The following SLC22A3 variants were observed in gnomAD, a reference collection of about 807,000 sequenced individuals.
The protein encoded by SLC22A3 is EMT organic cation transporter 3.
A neutral mutation model predicts 59.1 loss-of-function variants in SLC22A3; 51 were observed. The ratio of observed to expected loss-of-function variants is 0.86; its 90% CI spans 0.69 to 1.09. The LOEUF (loss-of-function observed/expected upper bound fraction) is 1.09. SLC22A3 is among the 50% of genes least tolerant of loss of function. The probability of loss-of-function intolerance (pLI) is 0.00; values close to 1 mark genes in which losing one functional copy is unlikely to be tolerated. For synonymous variants in SLC22A3, 325 were observed against 292.0 expected (o/e 1.11, Z -1.15); for missense variants, 711 against 726.3 (o/e 0.98, Z 0.24).
At chr6:160,413,230 T>C (rs900907112) in intron 5 of SLC22A3, among the ~76,000 whole-genome samples, 13 of 152,176 alleles carry the variant, frequency 8.5e-5, no homozygotes, top group African/African-American at 3.1e-4. Context: ...AGTTTAGCAC[T>C]GCTCCCACAG....
At chr6:160,360,770 C>T (rs775130230) in intron 1 of SLC22A3, among the ~76,000 whole-genome samples, 4 of 152,064 alleles carry the variant, frequency 2.6e-5, no homozygotes, top group Admixed American at 6.6e-5. Context: ...AACTCCCCCC[C>T]GCCCCAACCA....
intron 1 of SLC22A3, among the ~76,000 whole-genome samples, chr6:160,356,395 G>A (rs1784842194): frequency 6.6e-6 from 1 of 152,234 alleles, no homozygotes; most frequent in African/African-American, 2.4e-5. Context: ...AAAGGGACAG[G>A]AAGGAATAGA....
intron 7 of SLC22A3, among the ~76,000 whole-genome samples, chr6:160,439,903 G>A (rs1264442775): frequency 1.3e-5 from 2 of 152,156 alleles, no homozygotes; most frequent in Non-Finnish European, 2.9e-5. Context: ...CCAGCCACTG[G>A]TTAATTAGCA....
At chr6:160,372,061 A>G (rs1785418882) in intron 1 of SLC22A3, among the ~76,000 whole-genome samples, 1 of 152,144 alleles carries the variant, frequency 6.6e-6, no homozygotes, top group African/African-American at 2.4e-5. Flanking sequence ...TTTGTTTACA[A>G]GTGGGATGAC....
At chr6:160,371,807 T>C (rs1408054608) in intron 1 of SLC22A3, among the ~76,000 whole-genome samples, 1 of 152,196 alleles carries the variant, frequency 6.6e-6, no homozygotes, top group African/African-American at 2.4e-5. Context: ...TGTAAATGCG[T>C]TCCTATTTCT....
chr6:160,433,389 A>T (rs1250614516), intron 5 of SLC22A3, among the ~76,000 whole-genome samples: 1 of 152,194 alleles, frequency 6.6e-6, no homozygotes, highest in Non-Finnish European at 1.5e-5. Context: ...AATGTGTTTA[A>T]ATGTCAAATT....
chr6:160,359,288 T>C (rs1784941518), intron 1 of SLC22A3, among the ~76,000 whole-genome samples: 1 of 152,200 alleles, frequency 6.6e-6, no homozygotes, highest in South Asian at 2.1e-4. Flanking sequence ...CAGGTTAGGG[T>C]TGAAGTAAAT....
intron 1 of SLC22A3, among the ~76,000 whole-genome samples, chr6:160,388,331 G>A (rs760143266): frequency 3.9e-5 from 6 of 152,088 alleles, no homozygotes; most frequent in Non-Finnish European, 7.4e-5. Flanking sequence ...ATTATGTTGT[G>A]GTTCTCAAAC....
At chr6:160,444,583 C>A (rs1788675772) in intron 9 of SLC22A3, among the ~76,000 whole-genome samples, 1 of 152,068 alleles carries the variant, frequency 6.6e-6, no homozygotes, top group African/African-American at 2.4e-5. Context: ...GGAACAGAAT[C>A]ATAGTCTAGG....
chr6:160,411,718 G>A (rs762451989), intron 5 of SLC22A3, among the ~76,000 whole-genome samples: 1 of 152,076 alleles, frequency 6.6e-6, no homozygotes, highest in Non-Finnish European at 1.5e-5. Context: ...CTCCAGCCTA[G>A]GAGACAGATC....
intron 9 of SLC22A3, among the ~76,000 whole-genome samples, chr6:160,445,993 A>C (rs76429776): frequency 6.6e-6 from 1 of 152,182 alleles, no homozygotes; most frequent in Non-Finnish European, 1.5e-5. Context: ...GAGTGGCCCA[A>C]GCCCCCCAGA....
chr6:160,447,038 C>T (rs575224064), intron 9 of SLC22A3, among the ~76,000 whole-genome samples: 2 of 152,202 alleles, frequency 1.3e-5, no homozygotes, highest in Admixed American at 6.5e-5. Context: ...TTTACCAGCA[C>T]ACCACTAGGC....
At chr6:160,416,184 G>T (rs1787481613) in intron 5 of SLC22A3, among the ~76,000 whole-genome samples, 1 of 152,170 alleles carries the variant, frequency 6.6e-6, no homozygotes, top group African/African-American at 2.4e-5. Context: ...GCTAGCACTA[G>T]CAGGGAGAAA....
chr6:160,444,890 C>A (rs1232132048), intron 9 of SLC22A3, among the ~76,000 whole-genome samples: 1 of 152,196 alleles, frequency 6.6e-6, no homozygotes, highest in Non-Finnish European at 1.5e-5. Context: ...CCACTTGACA[C>A]CAGTGACCTC....
intron 2 of SLC22A3, among the ~76,000 whole-genome samples, chr6:160,403,298 T>C (rs1330469097): frequency 6.6e-6 from 1 of 151,818 alleles, no homozygotes; most frequent in Non-Finnish European, 1.5e-5. Flanking sequence ...ATAACCTACA[T>C]GAAATGGACC....
At chr6:160,445,704 G>T (rs1788713197) in intron 9 of SLC22A3, among the ~76,000 whole-genome samples, 1 of 152,186 alleles carries the variant, frequency 6.6e-6, no homozygotes, top group African/African-American at 2.4e-5. Flanking sequence ...AGCCAGCTGG[G>T]CAAGATGGGA....
intron 1 of SLC22A3, 151 bp from the exon 2 acceptor site, chr6:160,397,828 T>C (rs1786562127): frequency 3.0e-6 from 2 of 674,828 alleles, no homozygotes; most frequent in Non-Finnish European, 2.7e-6. Flanking sequence ...TATGTGTTAA[T>C]GTAAACATAC....
At chr6:160,447,881 T>A in intron 10 of SLC22A3, 63 bp downstream of exon 10, 1 of 1,222,242 alleles carries the variant, frequency 8.2e-7, no homozygotes, top group Non-Finnish European at 1.2e-6. Flanking sequence ...GGGGAAAGAA[T>A]GACATTGAGA....
chr6:160,408,850 C>T lies in SLC22A3; in HGVS notation c.786C>T (p.Tyr262=). 3.1e-6 allele frequency: 5 copies of T among 1,613,790 alleles called. No individual in the cohort carries two copies. The highest frequency in any genetic ancestry group is 1.1e-5 in the South Asian group (1 of 91,080). Residue 262 remains tyrosine, a synonymous_variant, in exon 4 of 11, where the codon TAC becomes TAT. Coordinates refer to ENST00000275300, the MANE Select transcript of SLC22A3 (RefSeq NM_021977.4). ...TCATAATTCTCCCTGGAATTGCCTA[C>T]TTCATCCCCAACTGGCAAGGAATCC... ...LGIIILPGIA[Y]FIPNWQGIQL...
Sources: allele counts gnomAD v4.1 joint callset (sites outside exome capture counted in the v4.1 genomes callset), GRCh38; gene constraint gnomAD v4.1.1; transcripts MANE v1.5; gene names NCBI Gene and HGNC (gene_info 2026-07-23, HGNC 2026-07-21).